GJC1: variants seen among roughly 807,000 people sequenced by gnomAD.
GJC1 encodes the protein gap junction gamma-1 protein.
In GJC1, 5 loss-of-function variants were observed where a neutral mutation model predicts 29.3. The ratio of observed to expected loss-of-function variants is 0.17; its 90% CI spans 0.09 to 0.36. The LOEUF is 0.36. Among genes scored for constraint, GJC1 ranks in the 10% least tolerant of loss-of-function variants. The probability of loss-of-function intolerance (pLI) is 1.00; values close to 1 mark genes in which losing one functional copy is unlikely to be tolerated. For synonymous variants in GJC1, 177 were observed against 183.3 expected (o/e 0.97, Z 0.28); for missense variants, 310 against 496.2 (o/e 0.62, Z 3.56).
chr17:44,817,138 G>A (rs929967535), intron 1 of GJC1, among the ~76,000 whole-genome samples: 12 of 151,878 alleles, frequency 7.9e-5, no homozygotes, highest in Admixed American at 3.3e-4. Flanking sequence ...CCCAGGAGGC[G>A]GTGGTTGCAG....
In GJC1 at chr17:44,802,503, T is replaced by C. The variant is rs1301605462; in HGVS notation, c.*2124A>G. 7 of 152,186 alleles carry C rather than the reference T, an allele frequency of 4.6e-5. No individual in the cohort carries two copies. 9.4% of individuals were successfully genotyped at this position (152,186 alleles called of 1,614,324 possible). On this transcript the variant is annotated 3_prime_UTR_variant, in exon 3 of 3. Coordinates refer to ENST00000592524, the MANE Select transcript of GJC1 (RefSeq NM_005497.4). ...TTATATGAATTTCCTTATTAAACAT[T>C]TGATTTGAAGGAAACTGTGCATGTC...
In GJC1 at chr17:44,800,526, TATC is replaced by T. The variant is rs1472793285; in HGVS notation, c.*4098_*4100del. ...ACAGAAAGCTGGCTAGCCAAAAATG[TATC>T]ATCAACTATCGATTTTATTTTCAGA... On this transcript the variant is annotated 3_prime_UTR_variant, in exon 3 of 3. Coordinates refer to ENST00000592524, the MANE Select transcript of GJC1 (RefSeq NM_005497.4). 3 of 152,258 alleles carry T rather than the reference TATC, an allele frequency of 2.0e-5. No individual in the cohort carries two copies. Among genetic ancestry groups the T allele is most frequent in the Admixed American group, 6.5e-5 (1 of 15,278 alleles). 9.4% of individuals were successfully genotyped at this position (152,258 alleles called of 1,614,324 possible).
chr17:44,825,054 A>G (rs1038810921), intron 1 of GJC1, among the ~76,000 whole-genome samples: 2 of 151,480 alleles, frequency 1.3e-5, no homozygotes, highest in Non-Finnish European at 2.9e-5. Context: ...TCCAAAAAAA[A>G]TTTTAAAATT....
rs1224762682 is a variant in GJC1, at chr17:44,805,656, G to A, written c.162C>T (p.Asn54=). 1 of 1,614,038 alleles carries A rather than the reference G, an allele frequency of 6.2e-7. No homozygotes were observed. Among genetic ancestry groups the A allele is most frequent in the Non-Finnish European group, 8.5e-7 (1 of 1,180,028 alleles). ...CATTCTCACAGCCCGGCTGTTCTGT[G>A]TTGCACACAAATTTGCTTTGCTCAT... The part of the protein sequence containing the change: ...YYDEQSKFVC[N]TEQPGCENVC... Residue 54 remains asparagine (N), a synonymous_variant, in exon 3 of 3, where the codon AAC becomes AAT. Transcript: ENST00000592524. The surrounding 1 kb of genome is among the most constrained non-coding windows in gnomAD (Gnocchi z 5.1).
Position 44,812,712 on chromosome 17 carries a change from A to G in GJC1, c.-96-5243T>C, listed in dbSNP as rs61083720. ...GCCCAGGCTGGAGTGCAGTGGCACAATCTCGGCTCTCTGCAACCTCCACCT... is the reference window on the plus strand; with the variant it reads ...GCCCAGGCTGGAGTGCAGTGGCACAGTCTCGGCTCTCTGCAACCTCCACCT... On this transcript the variant is annotated intron_variant, in intron 1 of 2. Transcript: ENST00000592524. Among the ~76,000 whole-genome samples, 949 of 152,018 alleles carry G rather than the reference A, an allele frequency of 6.2e-3. 11 individuals carry two copies. The highest frequency in any genetic ancestry group is 0.022 in the African/African-American group (907 of 41,476).
rs569075985 is a variant in GJC1 at position 44,804,963 on chromosome 17, A to G, written c.855T>C (p.Ser285=). The change falls in exon 3 of 3, where the codon TCT becomes TCC. Residue 285 remains serine, a synonymous_variant. Coordinates refer to ENST00000592524, the MANE Select transcript of GJC1 (RefSeq NM_005497.4). ...YNYPFTWNTP[S]APPGYNIAVK... is the part of the protein sequence containing the mutation. ...CAGCAATGTTATAGCCAGGGGGAGC[A>G]GATGGTGTATTCCAAGTGAAAGGAT... 1 of 1,614,128 alleles carries G rather than the reference A, an allele frequency of 6.2e-7. No homozygotes were observed. The highest frequency in any genetic ancestry group is 1.3e-5 in the African/African-American group (1 of 75,044).
intron 1 of GJC1, among the ~76,000 whole-genome samples, chr17:44,825,188 CAAAAA>C (rs1162077867): frequency 6.5e-5 from 3 of 45,978 alleles, no homozygotes; most frequent in African/African-American, 1.0e-4. Flanking sequence ...GTCTCAATTA[CAAAAA>C]AAAAAAAAAA....
At chr17:44,823,589 G>T (rs2050137204) in intron 1 of GJC1, among the ~76,000 whole-genome samples, 1 of 151,672 alleles carries the variant, frequency 6.6e-6, no homozygotes, top group Admixed American at 6.6e-5. Flanking sequence ...TTTTTGTAGA[G>T]ACAGGGTCTC....
intron 1 of GJC1, among the ~76,000 whole-genome samples, chr17:44,826,152 C>T (rs1187478130): frequency 6.6e-6 from 1 of 152,156 alleles, no homozygotes; most frequent in Non-Finnish European, 1.5e-5. Flanking sequence ...GAACTCCTGA[C>T]CTCAGGTGAT....
chr17:44,797,370 T>C (rs1432065037), downstream of GJC1, among the ~76,000 whole-genome samples: 1 of 152,184 alleles, frequency 6.6e-6, no homozygotes, highest in Non-Finnish European at 1.5e-5. Context: ...CCTAGGAATC[T>C]GTATGTTAAT....
At chr17:44,820,357 A>G (rs2050093920) in intron 1 of GJC1, among the ~76,000 whole-genome samples, 1 of 152,228 alleles carries the variant, frequency 6.6e-6, no homozygotes, top group African/African-American at 2.4e-5. Context: ...CATGCACTTC[A>G]GGAATAAGTT....
rs528123531 is a variant in GJC1, at chr17:44,825,073, G to A, written c.-97+4989C>T. Reference sequence around the variant, plus strand: ...AAAAAAATTTTAAAATTAACTGGGCGTGGTGGCGGTGTGGGCCTGTGGTCC... The same window carrying A: ...AAAAAAATTTTAAAATTAACTGGGCATGGTGGCGGTGTGGGCCTGTGGTCC... On this transcript the variant is annotated intron_variant, in intron 1 of 2. Coordinates refer to ENST00000592524, the MANE Select transcript of GJC1 (RefSeq NM_005497.4). Among the ~76,000 whole-genome samples, 173 of 150,884 alleles carry A rather than the reference G, an allele frequency of 1.1e-3. 2 individuals are homozygous for A. The highest frequency in any genetic ancestry group is 2.0e-3 in the Non-Finnish European group (133 of 67,746).
rs1567703504 is a variant in GJC1 at position 44,800,124 on chromosome 17, A to G, written c.*4503T>C. 1 of 151,522 alleles carries G rather than the reference A, an allele frequency of 6.6e-6. No homozygotes were observed. The highest frequency in any genetic ancestry group is 6.6e-5 in the Admixed American group (1 of 15,138). 9.4% of individuals were successfully genotyped at this position (151,522 alleles called of 1,614,324 possible). On this transcript the variant is annotated 3_prime_UTR_variant, in exon 3 of 3. Coordinates refer to ENST00000592524, the MANE Select transcript of GJC1 (RefSeq NM_005497.4). The stretch of plus-strand genomic sequence containing the variant: ...TGCAGGGACTTTATTATTACTATGA[A>G]TTTTTTTTTGAGAGTTTCACTCGTT...
In GJC1 at chr17:44,800,539, CGATTTT is replaced by C. The variant is rs1405614201; in HGVS notation, c.*4082_*4087del. The C allele has an allele frequency of 2.6e-5, 4 of 152,158 alleles. No individual in the cohort carries two copies. Among genetic ancestry groups the C allele is most frequent in the Admixed American group, 6.6e-5 (1 of 15,266 alleles). The allele number at this position is 152,158 out of a possible 1,614,324, so 9.4% of individuals were successfully genotyped here. Reference sequence around the variant, plus strand: ...TAGCCAAAAATGTATCATCAACTATCGATTTTATTTTCAGAAGTGGACTGTCTCTTA... The same window carrying C: ...TAGCCAAAAATGTATCATCAACTATCATTTTCAGAAGTGGACTGTCTCTTA... On this transcript the variant is annotated 3_prime_UTR_variant, in exon 3 of 3. Transcript: ENST00000592524.
rs1043572415 is a variant in GJC1 at position 44,830,237 on chromosome 17, G to GCCGCCGCCGCCGCCGCCTCCCGCTC, written c.-297_-273dup. On this transcript the variant is annotated 5_prime_UTR_variant, in exon 1 of 3. Transcript: ENST00000592524. The surrounding 1 kb of genome is among the most constrained non-coding windows in gnomAD (Gnocchi z 4.3). ...CGAGGCAGAAGCCGCTCCCGCCGCT[G>GCCGCCGCCGCCGCCGCCTCCCGCTC]CCGCCGCCGCCGCCGCCTCCCGCTC... 1.9e-5 allele frequency: 3 copies of GCCGCCGCCGCCGCCGCCTCCCGCTC among 158,790 alleles called. No individual in the cohort carries two copies. Among genetic ancestry groups the GCCGCCGCCGCCGCCGCCTCCCGCTC allele is most frequent in the Admixed American group, 6.6e-5 (1 of 15,110 alleles). 9.8% of individuals were successfully genotyped at this position (158,790 alleles called of 1,614,324 possible).
chr17:44,816,594 G>A (rs542540399), intron 1 of GJC1, among the ~76,000 whole-genome samples: 9 of 151,964 alleles, frequency 5.9e-5, no homozygotes, highest in African/African-American at 1.7e-4. Context: ...CTCTGCCTCC[G>A]GGGTTCAAGC....
downstream of GJC1, chr17:44,794,941 C>T (rs1484744585): frequency 2.6e-5 from 4 of 152,096 alleles, no homozygotes; most frequent in South Asian, 2.1e-4. Context: ...AGGCATAGCA[C>T]GTCAAGGGCA....
At chr17:44,819,060 T>G (rs181662093) in intron 1 of GJC1, among the ~76,000 whole-genome samples, 1 of 152,336 alleles carries the variant, frequency 6.6e-6, no homozygotes, top group Admixed American at 6.5e-5. Context: ...TGTGGTAGAA[T>G]AGACATAAAA....
At chr17:44,827,636 G>GA (rs1009034740) in intron 1 of GJC1, among the ~76,000 whole-genome samples, 69 of 146,360 alleles carry the variant, frequency 4.7e-4, no homozygotes, top group Admixed American at 2.9e-3. Flanking sequence ...CAATGTCTTT[G>GA]AAAAAAAAAA....
Sources: allele counts gnomAD v4.1 joint callset (sites outside exome capture counted in the v4.1 genomes callset), GRCh38; gene constraint gnomAD v4.1.1; non-coding constraint Gnocchi (gnomAD v3.1); transcripts MANE v1.5; gene names NCBI Gene and HGNC (gene_info 2026-07-23, HGNC 2026-07-21).